Variants in ANKRD26 observed in about 807,000 individuals in gnomAD.
ANKRD26 encodes ankyrin repeat domain-containing protein 26.
ANKRD26 carries 141 observed loss-of-function variants against 208.7 expected under a neutral mutation model. The observed-to-expected ratio is 0.68, with a 90% CI of 0.59 to 0.78. The LOEUF (loss-of-function observed/expected upper bound fraction) is 0.78, where lower values mean the gene tolerates loss of function less well. ANKRD26 is among the 30% of genes least tolerant of loss of function. The pLI is 0.00. For synonymous variants in ANKRD26, 636 were observed against 660.4 expected, an observed-to-expected ratio of 0.96 and a Z score of 0.57; for missense variants, 1,889 against 1,938.7, an observed-to-expected ratio of 0.97 and a Z score of 0.48.
At chr10:27,016,884 G>C (rs1190011596) in intron 30 of ANKRD26, among the ~76,000 whole-genome samples, 2 of 142,310 alleles carry the variant, frequency 1.4e-5, no homozygotes, top group Non-Finnish European at 3.1e-5. Context: ...TGAAAAAAAA[G>C]CTGAAGTTTA....
intron 21 of ANKRD26, 142 bp downstream of exon 21, chr10:27,039,823 T>G: frequency 2.9e-6 from 2 of 699,338 alleles, no homozygotes; most frequent in Non-Finnish European, 4.9e-6. Flanking sequence ...ACTAGTTATA[T>G]TATTTCCAAG....
intron 20 of ANKRD26, among the ~76,000 whole-genome samples, chr10:27,042,569 C>T (rs1383652618): frequency 5.9e-5 from 9 of 151,990 alleles, no homozygotes; most frequent in South Asian, 2.1e-4. Context: ...CTGGCTAACA[C>T]GGTGAAACCC....
At chr10:27,015,543 AGCTTT>A (rs1385429381) in intron 30 of ANKRD26, among the ~76,000 whole-genome samples, 27 of 152,328 alleles carry the variant, frequency 1.8e-4, no homozygotes, top group African/African-American at 4.3e-4. Context: ...TAACATGCAG[AGCTTT>A]GTAAGACTAT....
At chr10:27,092,345 G>C (rs759213386) in intron 4 of ANKRD26, 61 bp downstream of exon 4, 1 of 1,280,338 alleles carries the variant, frequency 7.8e-7, no homozygotes, top group African/African-American at 1.5e-5. Context: ...GCAAAACACA[G>C]ATCTAAAAAA....
At chr10:27,082,076 G>GAAAAAA (rs1564424246) in intron 6 of ANKRD26, among the ~76,000 whole-genome samples, 59 of 38,382 alleles carry the variant, frequency 1.5e-3, no homozygotes, top group East Asian at 2.0e-3. Flanking sequence ...AAAAAAAAAG[G>GAAAAAA]GAGAGAGAGA....
downstream of ANKRD26, among the ~76,000 whole-genome samples, chr10:26,969,182 A>G (rs1418795336): frequency 2.6e-5 from 4 of 152,190 alleles, no homozygotes; most frequent in Non-Finnish European, 2.9e-5. Flanking sequence ...GATCTCTGCA[A>G]TCTATCAAGT....
At chr10:27,048,614 A>G (rs1236404250) in intron 17 of ANKRD26, among the ~76,000 whole-genome samples, 187 bp downstream of exon 17, 2 of 152,222 alleles carry the variant, frequency 1.3e-5, no homozygotes, top group Non-Finnish European at 2.9e-5. Context: ...TTTAAATAAA[A>G]TATCAATATG....
At chr10:27,014,867 C>T (rs2053238920) in intron 30 of ANKRD26, among the ~76,000 whole-genome samples, 156 bp from the exon 31 acceptor site, 1 of 152,114 alleles carries the variant, frequency 6.6e-6, no homozygotes, top group Non-Finnish European at 1.5e-5. Context: ...GATAAGAGGA[C>T]ATCCCAGGGT....
chr10:27,082,833 A>C lies in ANKRD26; in HGVS notation c.710T>G (p.Val237Gly), dbSNP rs1372668588. 5.7e-6 allele frequency: 9 copies of C among 1,589,150 alleles called. No individual in the cohort carries two copies. The highest frequency in any genetic ancestry group is 7.7e-6 in the Non-Finnish European group (9 of 1,166,634). The part of the protein sequence containing the change: ...PKHSSQNSNS[V>G]DESSEDSLSR... Reference sequence around the variant, plus strand: ...TAAGGAGTCTTCAGAGCTTTCATCCACTATTAAAGAGAAAAGTAAAACACA... The same window carrying C: ...TAAGGAGTCTTCAGAGCTTTCATCCCCTATTAAAGAGAAAAGTAAAACACA... The change falls in exon 6 of 34, where the codon GTG becomes GGG. Residue 237 changes from valine to glycine, a missense_variant and splice_region_variant. Val to Gly is a moderately radical substitution (Grantham distance 109). This residue lies in a region of ANKRD26 where 1,272 missense variants were observed against 1,273.8 expected (regional missense o/e 1.00). Coordinates refer to ENST00000376087, the MANE Select transcript of ANKRD26 (RefSeq NM_014915.3).
At chr10:27,000,770 G>A (rs533332759), downstream of ANKRD26, among the ~76,000 whole-genome samples, 27 of 152,294 alleles carry the variant, frequency 1.8e-4, no homozygotes, top group African/African-American at 4.3e-4. Context: ...TTGGGAGGCC[G>A]AGGCAGGTGG....
Position 27,035,378 on chromosome 10 carries a change from C to T in ANKRD26, c.3072G>A (p.Glu1024=), listed in dbSNP as rs1245277679. ...CAAGTTCTAGTTCTCTTTTTGATGT[C>T]TCACTTTGATCACGATCATGTATAG... The part of the protein sequence containing the change: ...AAAIHDRDQS[E]TSKRELELAF... The change falls in exon 24 of 34, where the codon GAG becomes GAA. Residue 1024 remains glutamate (E), a synonymous_variant. Transcript: ENST00000376087. 3 of 1,613,802 alleles carry T rather than the reference C, an allele frequency of 1.9e-6. No individual in the cohort carries two copies. The highest frequency in any genetic ancestry group is 1.7e-6 in the Non-Finnish European group (2 of 1,179,944).
chr10:27,030,293 G>A (rs1031051755), intron 25 of ANKRD26: 2 of 814,528 alleles, frequency 2.5e-6, no homozygotes. Flanking sequence ...TAAGCCGACA[G>A]TACTTTAAAC....
downstream of ANKRD26, among the ~76,000 whole-genome samples, chr10:26,991,058 TG>T (rs760845412): frequency 7.1e-4 from 108 of 152,308 alleles, no homozygotes; most frequent in Non-Finnish European, 1.3e-3. Context: ...AAAAGGAGTT[TG>T]TTTTTTTATA....
chr10:27,091,972 G>A (rs913373911), intron 4 of ANKRD26, among the ~76,000 whole-genome samples: 1 of 149,900 alleles, frequency 6.7e-6, no homozygotes, highest in Non-Finnish European at 1.5e-5. Flanking sequence ...GAGTGACGGG[G>A]GAGACTCCAT....
intron 11 of ANKRD26, among the ~76,000 whole-genome samples, chr10:27,066,078 G>C (rs930937448): frequency 7.3e-5 from 11 of 151,668 alleles, no homozygotes; most frequent in Non-Finnish European, 1.5e-4. Flanking sequence ...GGCCAGGATG[G>C]TCTCCATATC....
At chr10:27,056,322 C>T (rs991888343) in intron 15 of ANKRD26, among the ~76,000 whole-genome samples, 12 of 152,012 alleles carry the variant, frequency 7.9e-5, no homozygotes, top group African/African-American at 2.2e-4. Context: ...GGATTACAGG[C>T]GCCCGCCACC....
intron 9 of ANKRD26, among the ~76,000 whole-genome samples, chr10:27,074,552 A>G (rs762175135): frequency 2.7e-4 from 41 of 152,092 alleles, no homozygotes; most frequent in Non-Finnish European, 5.3e-4. Context: ...ATGGTAGCGT[A>G]TACCTGTAAT....
downstream of ANKRD26, among the ~76,000 whole-genome samples, chr10:27,003,871 C>T (rs545969037): frequency 9.2e-5 from 14 of 152,284 alleles, no homozygotes; most frequent in Middle Eastern, 6.8e-3. Flanking sequence ...ACTATAGAAA[C>T]GGAACAATTG....
intron 21 of ANKRD26, among the ~76,000 whole-genome samples, chr10:27,038,420 C>G (rs1467410750): frequency 6.6e-6 from 1 of 152,090 alleles, no homozygotes; most frequent in East Asian, 1.9e-4. Context: ...GAGGCCGAGG[C>G]GCGCAGATCA....
Sources: allele counts gnomAD v4.1 joint callset (sites outside exome capture counted in the v4.1 genomes callset), GRCh38; gene constraint gnomAD v4.1.1; regional missense constraint gnomAD v4.1.1; transcripts MANE v1.5; gene names NCBI Gene and HGNC (gene_info 2026-07-23, HGNC 2026-07-21).